VAC14: variants seen among roughly 807,000 people sequenced by gnomAD.
The protein encoded by VAC14 is protein VAC14 homolog.
In VAC14, 47 loss-of-function variants were observed where a neutral mutation model predicts 85.3. The ratio of observed to expected loss-of-function variants is 0.55; its 90% CI spans 0.44 to 0.70. VAC14 has a LOEUF of 0.70. Ranked by LOEUF, VAC14 falls within the 30% of genes least tolerant of loss-of-function variation. The pLI is 0.00. For missense variants in VAC14, 861 were observed against 1,004.3 expected (o/e 0.86, Z 1.93); for synonymous variants, 447 against 430.5 (o/e 1.04, Z -0.47).
Position 70,780,953 on chromosome 16 carries a change from T to G in VAC14, c.947-14A>C. On this transcript the variant is annotated splice_polypyrimidine_tract_variant and intron_variant, in intron 8 of 18. Transcript: ENST00000261776. Reference sequence around the variant, plus strand: ...CTTCTTTGATGCCTGAGTCCACTGATGTAAGGAGCGTGATCTGATTTGGAT... The same window carrying G: ...CTTCTTTGATGCCTGAGTCCACTGAGGTAAGGAGCGTGATCTGATTTGGAT... 2.5e-6 allele frequency: 4 copies of G among 1,613,992 alleles called. No homozygotes were observed. Among genetic ancestry groups the G allele is most frequent in the Non-Finnish European group, 3.4e-6 (4 of 1,179,986 alleles).
chr16:70,705,469 GAGA>G (rs1419216601), intron 14 of VAC14, among the ~76,000 whole-genome samples: 1 of 152,266 alleles, frequency 6.6e-6, no homozygotes, highest in Non-Finnish European at 1.5e-5. Flanking sequence ...ATGAACTCAA[GAGA>G]AGTTCATGGG....
chr16:70,737,565 G>A (rs1305950159), intron 13 of VAC14, among the ~76,000 whole-genome samples: 1 of 152,186 alleles, frequency 6.6e-6, no homozygotes, highest in African/African-American at 2.4e-5. Flanking sequence ...TGAGGAGCCT[G>A]CCAGCCCCTG....
chr16:70,760,962 GGTGTGTGTGTGTGTGTGTGTGTGT>G (rs10671938), intron 12 of VAC14, among the ~76,000 whole-genome samples: 37 of 47,626 alleles, frequency 7.8e-4, no homozygotes, highest in South Asian at 2.3e-3. Context: ...ACGAAGAGAG[GGTGTGTGTGTGTGTGTGTGTGTGT>G]GTGTGTGTGT....
At chr16:70,690,672 A>G in intron 18 of VAC14, 1 of 985,528 alleles carries the variant, frequency 1.0e-6, no homozygotes, top group Non-Finnish European at 1.2e-6. Flanking sequence ...CTGCCCCGCA[A>G]CTCGACCCTG....
intron 1 of VAC14, among the ~76,000 whole-genome samples, chr16:70,791,896 C>A (rs2034356074): frequency 6.6e-6 from 1 of 152,142 alleles, no homozygotes; most frequent in African/African-American, 2.4e-5. Context: ...CTTTGCAAAC[C>A]CAAACCTAAC....
intron 13 of VAC14, among the ~76,000 whole-genome samples, chr16:70,736,317 C>G (rs1186839524): frequency 6.6e-6 from 1 of 152,206 alleles, no homozygotes; most frequent in Non-Finnish European, 1.5e-5. Flanking sequence ...TAGCAAGCGT[C>G]CCATAGCGCA....
chr16:70,739,934 C>T (rs138419116), intron 13 of VAC14, among the ~76,000 whole-genome samples: 1 of 152,116 alleles, frequency 6.6e-6, no homozygotes, highest in African/African-American at 2.4e-5. Context: ...CACTGAGCCC[C>T]GCAAGGTATA....
intron 14 of VAC14, among the ~76,000 whole-genome samples, chr16:70,702,927 A>G (rs1261899849): frequency 6.6e-6 from 1 of 152,038 alleles, no homozygotes; most frequent in Middle Eastern, 3.2e-3. Context: ...CAGGGTTATC[A>G]CCCCCACTGC....
Position 70,726,306 on chromosome 16 carries a change from G to A in VAC14, c.1661+5189C>T, listed in dbSNP as rs114959406. 4.3e-3 allele frequency among the ~76,000 whole-genome samples: 649 copies of A among 152,340 alleles called. 5 individuals carry two copies. Among genetic ancestry groups the A allele is most frequent in the African/African-American group, 0.015 (628 of 41,580 alleles). ...TGTTTTAGCGGAGCCGGGCCGGGCCGCTGGTGGGTGCCCTGGGCACTGGGG... is the reference window on the plus strand; with the variant it reads ...TGTTTTAGCGGAGCCGGGCCGGGCCACTGGTGGGTGCCCTGGGCACTGGGG... On this transcript the variant is annotated intron_variant, in intron 14 of 18. Coordinates refer to ENST00000261776, the MANE Select transcript of VAC14 (RefSeq NM_018052.5).
rs940219720 is a variant in VAC14 at position 70,695,725 on chromosome 16, G to A, written c.1956-102C>T. ...CTGCACCTGGCTTCCTGTGCACAGA[G>A]CCTGGTTGTGGTGAAGCAGGATTTG... On this transcript the variant is annotated intron_variant, in intron 16 of 18. Coordinates refer to ENST00000261776, the MANE Select transcript of VAC14 (RefSeq NM_018052.5). 9.0e-5 allele frequency: 101 copies of A among 1,127,064 alleles called. No individual in the cohort carries two copies. The African/African-American group carries it at 1.3e-3, about 14-fold the overall frequency. 69.8% of individuals were successfully genotyped at this position (1,127,064 alleles called of 1,614,324 possible).
intron 13 of VAC14, among the ~76,000 whole-genome samples, chr16:70,734,057 C>T (rs373689387): frequency 3.3e-5 from 5 of 152,140 alleles, no homozygotes; most frequent in East Asian, 3.9e-4. Context: ...CTCCTGATCT[C>T]GTGATCTGCC....
At chr16:70,741,042 G>A (rs2030242028) in intron 13 of VAC14, among the ~76,000 whole-genome samples, 1 of 152,262 alleles carries the variant, frequency 6.6e-6, no homozygotes, top group Admixed American at 6.5e-5. Context: ...ACCTTTGCTA[G>A]GCTCCCTGCC....
intron 12 of VAC14, among the ~76,000 whole-genome samples, chr16:70,751,727 G>A (rs1243666777): frequency 1.3e-5 from 2 of 152,198 alleles, no homozygotes; most frequent in Non-Finnish European, 2.9e-5. Flanking sequence ...GGGGAGCCAT[G>A]GGAAGGACAG....
intron 14 of VAC14, among the ~76,000 whole-genome samples, chr16:70,718,570 T>C (rs1381996833): frequency 2.0e-5 from 3 of 150,902 alleles, no homozygotes; most frequent in Non-Finnish European, 4.4e-5. Context: ...TGAGACTCCT[T>C]TTTAAAAAAA....
chr16:70,789,101 G>C (rs1004171980), intron 1 of VAC14, among the ~76,000 whole-genome samples: 39 of 152,134 alleles, frequency 2.6e-4, no homozygotes, highest in African/African-American at 8.7e-4. Context: ...AGAATGTGGT[G>C]GGAGGACTCA....
chr16:70,710,563 CTGTT>C (rs1265709111), intron 14 of VAC14, among the ~76,000 whole-genome samples: 2 of 152,240 alleles, frequency 1.3e-5, no homozygotes, highest in African/African-American at 4.8e-5. Context: ...GATCACCAAG[CTGTT>C]TGTTTTCCTT....
Position 70,731,388 on chromosome 16 carries a change from GGA to G in VAC14, c.1661+105_1661+106del, listed in dbSNP as rs2054585442. ...ACAGATCCAAAGGTCAGGAAAAGGA[GGA>G]GAGAGAAGGGAAAGAGAAGGTGGCT... On this transcript the variant is annotated intron_variant, in intron 14 of 18. Transcript: ENST00000261776. The G allele has an allele frequency of 2.0e-6, 3 of 1,521,230 alleles. No homozygotes were observed. The African/African-American group carries it at 4.2e-5, about 21-fold the overall frequency. The allele number at this position is 1,521,230 out of a possible 1,614,324, so 94.2% of individuals were successfully genotyped here. A position where few individuals can be genotyped will look rare whatever the true frequency, so the allele number is the denominator to read the frequency against.
intron 1 of VAC14, among the ~76,000 whole-genome samples, chr16:70,787,333 C>G (rs1387644408): frequency 6.6e-6 from 1 of 152,144 alleles, no homozygotes; most frequent in Non-Finnish European, 1.5e-5. Flanking sequence ...GCACTAATAG[C>G]TGATATAAGA....
In VAC14 at chr16:70,793,777, T is replaced by C. The variant is rs2034433178; in HGVS notation, c.104+7020A>G. On this transcript the variant is annotated intron_variant, in intron 1 of 18. Transcript: ENST00000261776. ...AGAGAATTAAATTAGGTAACTGCAT[T>C]CTGTGCTCTGTACTGCACATGCTCA... is the stretch of plus-strand genomic sequence containing the variant. Among the ~76,000 whole-genome samples the C allele has an allele frequency of 2.6e-5, 4 of 152,244 alleles. No individual in the cohort carries two copies. In the South Asian group the frequency reaches 8.3e-4, roughly 31 times the overall value.
Sources: allele counts gnomAD v4.1 joint callset (sites outside exome capture counted in the v4.1 genomes callset), GRCh38; gene constraint gnomAD v4.1.1; transcripts MANE v1.5; gene names NCBI Gene and HGNC (gene_info 2026-07-23, HGNC 2026-07-21).